The following ATXN7L1 variants were observed in gnomAD, a reference collection of about 807,000 sequenced individuals.
The protein encoded by ATXN7L1 is ataxin-7-like protein 1.
In ATXN7L1, 15 loss-of-function variants were observed where a neutral mutation model predicts 70.8. The observed-to-expected ratio is 0.21, with a 90% CI of 0.14 to 0.33. The LOEUF is 0.33. Ranked by LOEUF, ATXN7L1 falls within the 10% of genes least tolerant of loss-of-function variation. The probability of loss-of-function intolerance (pLI) is 1.00; values close to 1 mark genes in which losing one functional copy is unlikely to be tolerated. For synonymous variants in ATXN7L1, 440 were observed against 445.1 expected (o/e 0.99, Z 0.14); for missense variants, 975 against 1,097.1 (o/e 0.89, Z 1.57).
At chr7:105,676,055 G>T (rs1349120604) in intron 3 of ATXN7L1, among the ~76,000 whole-genome samples, 1 of 152,126 alleles carries the variant, frequency 6.6e-6, no homozygotes, top group Admixed American at 6.5e-5. Context: ...ATCCTGGCTC[G>T]CTGCCACAGT....
At chr7:105,658,631 A>G (rs1801075985) in intron 4 of ATXN7L1, among the ~76,000 whole-genome samples, 1 of 150,800 alleles carries the variant, frequency 6.6e-6, no homozygotes, top group Non-Finnish European at 1.5e-5. Flanking sequence ...CCCAGGTTCA[A>G]GCAAGTCTCC....
intron 3 of ATXN7L1, among the ~76,000 whole-genome samples, chr7:105,674,448 T>G (rs1374948180): frequency 2.0e-5 from 3 of 152,250 alleles, no homozygotes; most frequent in Non-Finnish European, 4.4e-5. Flanking sequence ...GTTGCCTTGT[T>G]ATAGATGGGG....
intron 7 of ATXN7L1, among the ~76,000 whole-genome samples, chr7:105,632,466 T>G (rs1796731449): frequency 6.6e-6 from 1 of 151,790 alleles, no homozygotes. Flanking sequence ...GAGCTAAAGG[T>G]CCAACATCCA....
chr7:105,779,604 T>C (rs1429743565), intron 3 of ATXN7L1, among the ~76,000 whole-genome samples: 1 of 152,206 alleles, frequency 6.6e-6, no homozygotes, highest in African/African-American at 2.4e-5. Flanking sequence ...TTAGCATCTA[T>C]AGTGTAACTG....
intron 3 of ATXN7L1, among the ~76,000 whole-genome samples, chr7:105,770,805 C>G (rs1801879770): frequency 6.6e-6 from 1 of 152,182 alleles, no homozygotes; most frequent in Non-Finnish European, 1.5e-5. Flanking sequence ...TGACCTAGAG[C>G]TGAAACTTAA....
intron 3 of ATXN7L1, among the ~76,000 whole-genome samples, chr7:105,765,615 G>A (rs1801150575): frequency 6.6e-6 from 1 of 152,082 alleles, no homozygotes; most frequent in Non-Finnish European, 1.5e-5. Flanking sequence ...AAACATAAAA[G>A]GAAATACTAC....
At chr7:105,727,471 C>G (rs1172698938) in intron 3 of ATXN7L1, among the ~76,000 whole-genome samples, 1 of 151,622 alleles carries the variant, frequency 6.6e-6, no homozygotes, top group Non-Finnish European at 1.5e-5. Flanking sequence ...GAGTTCAAGA[C>G]CAGCCCGGCC....
chr7:105,758,384 C>G (rs552259268), intron 3 of ATXN7L1, among the ~76,000 whole-genome samples: 5 of 152,342 alleles, frequency 3.3e-5, no homozygotes, highest in South Asian at 4.1e-4. Context: ...AGAAGATTTA[C>G]ACTCAGTCAG....
intron 3 of ATXN7L1, among the ~76,000 whole-genome samples, chr7:105,670,974 C>CT: frequency 6.6e-6 from 1 of 152,060 alleles, no homozygotes; most frequent in Admixed American, 6.5e-5. Flanking sequence ...GGCGAGGTGG[C>CT]GGGCGCCTGT....
intron 5 of ATXN7L1, among the ~76,000 whole-genome samples, chr7:105,641,492 C>A (rs1358218202): frequency 2.6e-5 from 4 of 152,184 alleles, no homozygotes; most frequent in Non-Finnish European, 5.9e-5. Flanking sequence ...AGACAACCCA[C>A]AAAATGCAAA....
intron 3 of ATXN7L1, among the ~76,000 whole-genome samples, chr7:105,750,099 C>T (rs1353488073): frequency 6.6e-6 from 1 of 151,746 alleles, no homozygotes; most frequent in East Asian, 1.9e-4. Context: ...CACTTTGAAC[C>T]ATGTGTAGAC....
At position 105,825,361 on chromosome 7, in the gene ATXN7L1, A is replaced by C. The variant is rs537119538; in HGVS notation, c.251-36653T>G. On this transcript the variant is annotated intron_variant, in intron 2 of 11. Coordinates refer to ENST00000419735, the MANE Select transcript of ATXN7L1 (RefSeq NM_020725.2). ...AGCTGTTGTCACAGACCAGCAGCACAGTAGGCTGAGGGGCTAATGGGCTCC... is the reference window on the plus strand; with the variant it reads ...AGCTGTTGTCACAGACCAGCAGCACCGTAGGCTGAGGGGCTAATGGGCTCC... Among the ~76,000 whole-genome samples, 11 of 152,286 alleles carry C rather than the reference A, an allele frequency of 7.2e-5. No individual in the cohort carries two copies. The South Asian group carries it at 2.3e-3, about 32-fold the overall frequency.
At chr7:105,610,447 G>C (rs1204412309) in intron 11 of ATXN7L1, 82 bp downstream of exon 11, 53 of 1,276,192 alleles carry the variant, frequency 4.2e-5, no homozygotes, top group Non-Finnish European at 5.7e-5. Flanking sequence ...TTGAATCAGG[G>C]TCTGACCCCA....
intron 3 of ATXN7L1, among the ~76,000 whole-genome samples, chr7:105,717,523 T>G (rs1324822460): frequency 6.6e-6 from 1 of 152,252 alleles, no homozygotes; most frequent in East Asian, 1.9e-4. Flanking sequence ...TGGATAATTC[T>G]GGAGTGGATA....
At chr7:105,642,786 G>A (rs1354314657) in intron 5 of ATXN7L1, 52 bp downstream of exon 5, 13 of 1,495,316 alleles carry the variant, frequency 8.7e-6, no homozygotes, top group African/African-American at 2.8e-5. Flanking sequence ...TTATGGCTGC[G>A]ACTCCCTTTC....
intron 2 of ATXN7L1, among the ~76,000 whole-genome samples, chr7:105,808,032 ACT>A (rs1270212766): frequency 1.3e-5 from 2 of 151,818 alleles, no homozygotes; most frequent in Non-Finnish European, 1.5e-5. Context: ...GTGTCCACAG[ACT>A]CTTTCTGCAA....
At chr7:105,613,159 C>T (rs1390018359) in intron 10 of ATXN7L1, among the ~76,000 whole-genome samples, 1 of 152,220 alleles carries the variant, frequency 6.6e-6, no homozygotes, top group Non-Finnish European at 1.5e-5. Flanking sequence ...GAGAACAGAG[C>T]TCAAGGGAAA....
intron 2 of ATXN7L1, among the ~76,000 whole-genome samples, chr7:105,825,999 G>C (rs1810813874): frequency 6.6e-6 from 1 of 152,092 alleles, no homozygotes; most frequent in Non-Finnish European, 1.5e-5. Context: ...GTGATGGAAG[G>C]TTCCGAGATC....
At chr7:105,860,771 T>C (rs1816509393) in intron 2 of ATXN7L1, among the ~76,000 whole-genome samples, 2 of 152,196 alleles carry the variant, frequency 1.3e-5, no homozygotes, top group African/African-American at 4.8e-5. Context: ...AATACAGGTA[T>C]TTCAAAAACA....
Sources: allele counts gnomAD v4.1 joint callset (sites outside exome capture counted in the v4.1 genomes callset), GRCh38; gene constraint gnomAD v4.1.1; transcripts MANE v1.5; gene names NCBI Gene and HGNC (gene_info 2026-07-23, HGNC 2026-07-21).